AHNAK2: variants seen among roughly 807,000 people sequenced by gnomAD.
AHNAK2 encodes protein AHNAK2.
AHNAK2 carries 18 observed loss-of-function variants against 30.7 expected under a neutral mutation model. That is an observed-to-expected ratio of 0.59 (90% CI 0.41 to 0.87). The LOEUF is 0.87. Among genes scored for constraint, AHNAK2 ranks in the 40% least tolerant of loss-of-function variants. The pLI, the probability that AHNAK2 is intolerant of heterozygous loss-of-function variation, is 0.00. For missense variants in AHNAK2, 8,604 were observed against 7,373.0 expected, an observed-to-expected ratio of 1.17 and a Z score of -6.11; for synonymous variants, 3,590 against 3,073.8, an observed-to-expected ratio of 1.17 and a Z score of -5.56.
rs371601679 is a variant in AHNAK2, at chr14:104,939,058, C to G, written c.16393G>C (p.Val5465Leu). The G allele has an allele frequency of 1.6e-5, 25 of 1,605,912 alleles. No individual in the cohort carries two copies. In the African/African-American group the frequency reaches 2.9e-4, roughly 19 times the overall value. The change falls in exon 7 of 7, where the codon GTG becomes CTG. Residue 5465 changes from valine (V) to leucine (L), a missense_variant. Coordinates refer to ENST00000333244, the MANE Select transcript of AHNAK2 (RefSeq NM_138420.4). ...TCAACCTGAGCACCCTGAATATGCA[C>G]TCTGACCTTTGAAATTGGGGGAGCT... Reference protein sequence around the residue: ...LEAPPISKVRVHIQGAQVESQ... With the variant: ...LEAPPISKVRLHIQGAQVESQ...
chr14:104,976,274 C>G (rs1258836912), intron 1 of AHNAK2, among the ~76,000 whole-genome samples: 1 of 152,176 alleles, frequency 6.6e-6, no homozygotes, highest in Non-Finnish European at 1.5e-5. Flanking sequence ...GTGGTCCCAG[C>G]ATGGCCACCA....
At position 104,978,296 on chromosome 14, in the gene AHNAK2, T is replaced by A; in HGVS notation, c.-59A>T. 4 of 174,162 alleles carry A rather than the reference T, an allele frequency of 2.3e-5. No individual in the cohort carries two copies. Among genetic ancestry groups the A allele is most frequent in the Non-Finnish European group, 4.5e-5 (4 of 89,328 alleles). 10.8% of individuals were successfully genotyped at this position (174,162 alleles called of 1,614,324 possible). On this transcript the variant is annotated 5_prime_UTR_variant, in exon 1 of 7. Transcript: ENST00000333244. ...GTCGCGTCCAGTCGCTGGTCCCGGC[T>A]CCGGCGCACGGGGCGGGCGGGCGGG...
chr14:104,939,239 A>G lies in AHNAK2; in HGVS notation c.16212T>C (p.Asp5404=), dbSNP rs773212316. 10 of 1,613,648 alleles carry G rather than the reference A, an allele frequency of 6.2e-6. 1 individual carries two copies. The highest frequency in any genetic ancestry group is 4.0e-5 in the African/African-American group (3 of 74,922). Residue 5404 remains aspartate, a synonymous_variant, in exon 7 of 7, where the codon GAT becomes GAC. Transcript: ENST00000333244. ...FSFPAPSSED[D]VFIPTVREVQ... Reference sequence around the variant, plus strand: ...CTTCCCTCACAGTGGGGATGAACACATCATCCTCTGAGCTGGGGGCAGGGA... The same window carrying G: ...CTTCCCTCACAGTGGGGATGAACACGTCATCCTCTGAGCTGGGGGCAGGGA...
Position 104,946,825 on chromosome 14 carries a change from G to C in AHNAK2, c.8626C>G (p.Gln2876Glu). The C allele has an allele frequency of 6.2e-7, 1 of 1,612,660 alleles. No individual in the cohort carries two copies. The highest frequency in any genetic ancestry group is 8.5e-7 in the Non-Finnish European group (1 of 1,179,614). ...CCCTCTGGGAGTTTCACGTCCACCT[G>C]GCCAGCCTGGACCTCCAGTTGGGCG... is the stretch of plus-strand genomic sequence containing the variant. ...PSAQLEVQAG[Q>E]VDVKLPEGHV... The change falls in exon 7 of 7, where the codon CAG becomes GAG. Residue 2876 changes from glutamine (Q) to glutamate (E), a missense_variant. By Grantham distance (29) the Gln-to-Glu change is conservative (BLOSUM62 2). Transcript: ENST00000333244.
chr14:104,949,342 T>G lies in AHNAK2; in HGVS notation c.6109A>C (p.Ser2037Arg), dbSNP rs761364053. 4 of 1,550,568 alleles carry G rather than the reference T, an allele frequency of 2.6e-6. No individual in the cohort carries two copies. In the African/African-American group the frequency reaches 4.2e-5, roughly 16 times the overall value. Residue 2037 changes from serine (S) to arginine (R), a missense_variant, in exon 7 of 7, where the codon AGC becomes CGC. Transcript: ENST00000333244. ...AGGTCGGCAGAAGGGGGCTGAATGC[T>G]GAGGTCAGTGGTCTTCAGGTCCCCC... ...MQGDLKTTDL[S>R]IQPPSADLKV...
At chr14:104,967,070 G>A (rs1899325073) in intron 1 of AHNAK2, among the ~76,000 whole-genome samples, 1 of 152,162 alleles carries the variant, frequency 6.6e-6, no homozygotes, top group Non-Finnish European at 1.5e-5. Context: ...CTGGCAGCAG[G>A]TGCAGCTGGG....
chr14:104,952,063 C>T lies in AHNAK2; in HGVS notation c.3388G>A (p.Glu1130Lys). 3 of 1,612,744 alleles carry T rather than the reference C, an allele frequency of 1.9e-6. No homozygotes were observed. Among genetic ancestry groups the T allele is most frequent in the Non-Finnish European group, 1.7e-6 (2 of 1,179,544 alleles). ...PDVEVSLPSV[E>K]VDVEAPGAKL... ...GCTCCCGGGGCCTCGACGTCCACCT[C>T]CACGCTGGGCAGAGACACCTCCACA... The change falls in exon 7 of 7, where the codon GAG becomes AAG. Residue 1130 changes from glutamate to lysine, a missense_variant. Transcript: ENST00000333244.
In AHNAK2 at chr14:104,951,865, C is replaced by G; in HGVS notation, c.3586G>C (p.Asp1196His). 1 of 1,608,508 alleles carries G rather than the reference C, an allele frequency of 6.2e-7. No individual in the cohort carries two copies. Reference sequence around the variant, plus strand: ...CCCTGCATGGAGGGGAGACTCACGTCGGCCTCCACTTTGGGTGCAGACACA... The same window carrying G: ...CCCTGCATGGAGGGGAGACTCACGTGGGCCTCCACTTTGGGTGCAGACACA... ...VDVSAPKVEADVSLPSMQGDL... is the reference protein window; with the variant it reads ...VDVSAPKVEAHVSLPSMQGDL... Residue 1196 changes from aspartate (D) to histidine (H), a missense_variant, in exon 7 of 7, where the codon GAC (aspartate) becomes CAC (histidine). By Grantham distance (81) the Asp-to-His change is moderately conservative (BLOSUM62 -1). Transcript: ENST00000333244.
intron 1 of AHNAK2, among the ~76,000 whole-genome samples, chr14:104,972,793 C>A (rs1370118558): frequency 6.6e-6 from 1 of 152,244 alleles, no homozygotes; most frequent in Non-Finnish European, 1.5e-5. Context: ...CAGCTCAGAT[C>A]CTGGACTTGC....
At position 104,953,847 on chromosome 14, in the gene AHNAK2, G is replaced by T. The variant is rs1242480951; in HGVS notation, c.1604C>A (p.Ala535Asp). Reference sequence around the variant, plus strand: ...TGGTTCCCTGCCCGGCATCCACCCGGCTCCTTCCACCTCCTCACCCTTCAG... The same window carrying T: ...TGGTTCCCTGCCCGGCATCCACCCGTCTCCTTCCACCTCCTCACCCTTCAG... ...TGLKGEEVEGAGWMPGREPTT... is the reference protein window; with the variant it reads ...TGLKGEEVEGDGWMPGREPTT... The change falls in exon 7 of 7, where the codon GCC becomes GAC. Residue 535 changes from alanine to aspartate, a missense_variant. Physicochemically the swap from Ala to Asp is moderately radical, Grantham distance 126. Transcript: ENST00000333244. The T allele has an allele frequency of 1.9e-6, 3 of 1,613,760 alleles. No individual in the cohort carries two copies. The highest frequency in any genetic ancestry group is 2.2e-5 in the East Asian group (1 of 44,888).
chr14:104,963,049 A>G lies in AHNAK2; in HGVS notation c.56-5377T>C, dbSNP rs1583852. On this transcript the variant is annotated intron_variant, in intron 1 of 6. Coordinates refer to ENST00000333244, the MANE Select transcript of AHNAK2 (RefSeq NM_138420.4). ...TAAAACACTGGCCTTAAGAGCTTTC[A>G]TTTTCCTCAGAAAACGAAAAGGCAG... 3.5e-3 allele frequency among the ~76,000 whole-genome samples: 537 copies of G among 152,336 alleles called. 4 individuals are homozygous for G. Among genetic ancestry groups the G allele is most frequent in the African/African-American group, 0.012 (503 of 41,574 alleles).
chr14:104,972,620 G>A (rs1478382971), intron 1 of AHNAK2, among the ~76,000 whole-genome samples: 1 of 152,232 alleles, frequency 6.6e-6, no homozygotes, highest in Non-Finnish European at 1.5e-5. Context: ...GACCCTCGCT[G>A]CAGTGCGGCC....
intron 1 of AHNAK2, among the ~76,000 whole-genome samples, chr14:104,963,850 A>AAAG (rs1566924694): frequency 1.3e-5 from 2 of 151,578 alleles, no homozygotes; most frequent in African/African-American, 4.9e-5. Context: ...AGAAAAAAAA[A>AAAG]AGAGAGAGAG....
At chr14:104,972,556 G>A (rs1276070168) in intron 1 of AHNAK2, among the ~76,000 whole-genome samples, 1 of 152,120 alleles carries the variant, frequency 6.6e-6, no homozygotes, top group African/African-American at 2.4e-5. Flanking sequence ...ACAGCAGCCA[G>A]AGGGAGGTGC....
At position 104,943,618 on chromosome 14, in the gene AHNAK2, G is replaced by A. The variant is rs756073518; in HGVS notation, c.11833C>T (p.Leu3945=). ...TCCCCCTCCAGCCGCGCACCATCCAGCTTGGCTCCTGGGGCCTCGACGTCC... is the reference window on the plus strand; with the variant it reads ...TCCCCCTCCAGCCGCGCACCATCCAACTTGGCTCCTGGGGCCTCGACGTCC... ...EVDVEAPGAK[L]DGARLEGDLS... is the part of the protein sequence containing the mutation. The change falls in exon 7 of 7, where the codon CTG becomes TTG. Residue 3945 remains leucine, a synonymous_variant. Transcript: ENST00000333244. 1.9e-6 allele frequency: 3 copies of A among 1,613,150 alleles called. No homozygotes were observed. Among genetic ancestry groups the A allele is most frequent in the African/African-American group, 1.3e-5 (1 of 74,724 alleles).
chr14:104,952,015 C>G lies in AHNAK2; in HGVS notation c.3436G>C (p.Glu1146Gln), dbSNP rs769743392. 13 of 1,612,656 alleles carry G rather than the reference C, an allele frequency of 8.1e-6. 1 individual carries two copies. In the African/African-American group the frequency reaches 1.6e-4, roughly 20 times the overall value. ...PGAKLDSARL[E>Q]GELSLADKDV... ...TTGTCGGCCAGGGACAGTTCCCCCT[C>G]CAGCCGCGCACTGTCCAGCTTGGCT... is the stretch of plus-strand genomic sequence containing the variant. Residue 1146 changes from glutamate (E) to glutamine (Q), a missense_variant, in exon 7 of 7, where the codon GAG (glutamate) becomes CAG (glutamine). Coordinates refer to ENST00000333244, the MANE Select transcript of AHNAK2 (RefSeq NM_138420.4).
At position 104,949,475 on chromosome 14, in the gene AHNAK2, T is replaced by C. The variant is rs61203074; in HGVS notation, c.5976A>G (p.Lys1992=). Residue 1992 remains lysine, a synonymous_variant, in exon 7 of 7, where the codon AAA becomes AAG. Transcript: ENST00000333244. ...TAKDSKFKMP[K]FKMPSFGVSA... ...ATACCCCGAACGACGGCATCTTGAA[T>C]TTGGGCATTTTGAACTTGCTGTCTT... The C allele has an allele frequency of 4.4e-3, 6,930 of 1,568,434 alleles. 596 individuals carry two copies. Among genetic ancestry groups the C allele is most frequent in the East Asian group, 0.03 (1,286 of 43,570 alleles).
chr14:104,960,511 T>A (rs1012044296), intron 1 of AHNAK2, among the ~76,000 whole-genome samples: 27 of 152,326 alleles, frequency 1.8e-4, no homozygotes, highest in African/African-American at 4.8e-4. Context: ...GACTTGAGCA[T>A]CCATGAATTT....
rs370843314 is a variant in AHNAK2, at chr14:104,944,696, C to A, written c.10755G>T (p.Leu3585=). The change falls in exon 7 of 7, where the codon CTG becomes CTT. Residue 3585 remains leucine (L), a synonymous_variant. Transcript: ENST00000333244. ...QIDVKGPKLD[L]KGPKAEVRVP... The stretch of plus-strand genomic sequence containing the variant: ...CTCTCACTTCTGCCTTGGGGCCTTT[C>A]AGGTCCAGCTTGGGGCCCTTAACAT... 8.7e-6 allele frequency: 14 copies of A among 1,607,994 alleles called. No individual in the cohort carries two copies. Among genetic ancestry groups the A allele is most frequent in the Middle Eastern group, 1.7e-4 (1 of 6,054 alleles).
Sources: gnomAD v4.1 joint callset for allele counts (sites outside exome capture counted in the v4.1 genomes callset) on GRCh38, gnomAD v4.1.1 for gene constraint, MANE v1.5 for transcripts, NCBI Gene and HGNC (gene_info 2026-07-23, HGNC 2026-07-21) for gene names.